Variants in DHX8 observed in about 807,000 individuals in gnomAD.
DHX8 encodes DEAH-box helicase 8.
A neutral mutation model predicts 140.7 loss-of-function variants in DHX8; 67 were observed. The ratio of observed to expected loss-of-function variants is 0.48; its 90% confidence interval spans 0.39 to 0.58. The LOEUF (loss-of-function observed/expected upper bound fraction) is 0.58, where lower values mean the gene tolerates loss of function less well. Ranked by LOEUF, DHX8 falls within the 20% of genes least tolerant of loss-of-function variation. The probability of loss-of-function intolerance (pLI) is 0.00; values close to 1 mark genes in which losing one functional copy is unlikely to be tolerated. For synonymous variants in DHX8, 533 were observed against 553.2 expected, an observed-to-expected ratio of 0.96 and a Z score of 0.51; for missense variants, 887 against 1,550.7, an observed-to-expected ratio of 0.57 and a Z score of 7.19.
At chr17:43,527,652 G>C (rs749332526), downstream of DHX8, among the ~76,000 whole-genome samples, 2 of 152,236 alleles carry the variant, frequency 1.3e-5, no homozygotes, top group Non-Finnish European at 1.5e-5. Context: ...ATGCTGGGAA[G>C]GGGGAAGGGC....
chr17:43,516,658 T>A (rs1970127168), intron 17 of DHX8, among the ~76,000 whole-genome samples: 1 of 152,062 alleles, frequency 6.6e-6, no homozygotes, highest in African/African-American at 2.4e-5. Context: ...CATATTGCCC[T>A]GGCTGATCTC....
intron 16 of DHX8, 88 bp downstream of exon 16, chr17:43,508,608 G>T: frequency 4.7e-5 from 35 of 747,086 alleles, no homozygotes; most frequent in Non-Finnish European, 7.4e-5. Flanking sequence ...TGCTTAGGGT[G>T]TATGCAAGTC....
chr17:43,506,644 A>G (rs935608165), intron 12 of DHX8, among the ~76,000 whole-genome samples: 3 of 149,600 alleles, frequency 2.0e-5, no homozygotes, highest in Non-Finnish European at 4.5e-5. Flanking sequence ...GCCTTTTTTT[A>G]TGGGCTGTAT....
downstream of DHX8, chr17:43,526,221 T>G: frequency 1.0e-6 from 1 of 985,366 alleles, no homozygotes. Context: ...GAACCAGTAT[T>G]TCCCAAGATT....
rs548633569 is a variant in DHX8, at chr17:43,524,661, G to A, written c.*814G>A. The A allele has an allele frequency of 3.0e-6, 3 of 985,376 alleles. No individual in the cohort carries two copies. The highest frequency in any genetic ancestry group is 9.4e-5 in the South Asian group (2 of 21,282). The allele number at this position is 985,376 out of a possible 1,614,324, so 61.0% of individuals were successfully genotyped here. ...CTTGCTCCCTCCACCTCCCACATTCGCAATGTGCAGCATGTCCCATTTCCT... is the reference window on the plus strand; with the variant it reads ...CTTGCTCCCTCCACCTCCCACATTCACAATGTGCAGCATGTCCCATTTCCT... On this transcript the variant is annotated 3_prime_UTR_variant, in exon 23 of 23. Transcript: ENST00000262415.
chr17:43,515,845 C>A (rs895661146), intron 17 of DHX8, among the ~76,000 whole-genome samples: 1 of 152,090 alleles, frequency 6.6e-6, no homozygotes, highest in Non-Finnish European at 1.5e-5. Context: ...ATAACCTATC[C>A]TTTGGTTTGG....
chr17:43,537,513 G>A (rs1971306683), intron 3 of DHX8, among the ~76,000 whole-genome samples: 2 of 151,862 alleles, frequency 1.3e-5, no homozygotes, highest in South Asian at 4.2e-4. Flanking sequence ...GGCCAACAAA[G>A]TGAAACTCCC....
chr17:43,520,412 C>A, intron 19 of DHX8, 145 bp downstream of exon 19: 1 of 1,079,050 alleles, frequency 9.3e-7, no homozygotes, highest in Non-Finnish European at 1.3e-6. Flanking sequence ...TGAATTTCTC[C>A]ACTGTCACTT....
At chr17:43,538,813 C>T (rs1171888186) in intron 3 of DHX8, among the ~76,000 whole-genome samples, 4 of 152,014 alleles carry the variant, frequency 2.6e-5, no homozygotes, top group Middle Eastern at 3.2e-3. Flanking sequence ...ACTCTCCTTC[C>T]CTGGAGACTG....
intron 6 of DHX8, 125 bp from the exon 7 acceptor site, chr17:43,493,320 C>G (rs1192495448): frequency 7.5e-7 from 1 of 1,334,900 alleles, no homozygotes; most frequent in African/African-American, 1.5e-5. Context: ...ATTGTTTGAC[C>G]ACCTTCATGG....
downstream of DHX8, chr17:43,529,822 A>G: frequency 3.1e-6 from 5 of 1,599,636 alleles, no homozygotes; most frequent in Non-Finnish European, 4.3e-6. Flanking sequence ...ACGTGATGTG[A>G]CTCCTGCAGG....
At chr17:43,493,984 G>T in intron 8 of DHX8, 98 bp downstream of exon 8, 1 of 1,251,794 alleles carries the variant, frequency 8.0e-7, no homozygotes, top group Non-Finnish European at 1.1e-6. Flanking sequence ...ATAACTTTTG[G>T]CCACTGTATT....
downstream of DHX8, chr17:43,526,368 C>G (rs1567702160): frequency 6.8e-7 from 1 of 1,477,868 alleles, no homozygotes. Flanking sequence ...GCTGAGTGTG[C>G]TGTTTGTGTA....
intron 3 of DHX8, among the ~76,000 whole-genome samples, chr17:43,543,513 ACT>A (rs1451484611): frequency 6.6e-6 from 1 of 151,868 alleles, no homozygotes; most frequent in African/African-American, 2.4e-5. Context: ...CACTGTGGGG[ACT>A]CTCAGCTGAC....
intron 1 of DHX8, among the ~76,000 whole-genome samples, chr17:43,488,654 T>A (rs1189486887): frequency 1.3e-5 from 2 of 150,578 alleles, no homozygotes; most frequent in African/African-American, 4.9e-5. Flanking sequence ...TGGAGAAAAA[T>A]TTGGCAAAAA....
At chr17:43,487,866 A>G (rs1893122365) in intron 1 of DHX8, among the ~76,000 whole-genome samples, 1 of 152,116 alleles carries the variant, frequency 6.6e-6, no homozygotes, top group Non-Finnish European at 1.5e-5. Context: ...AATCCCAGCT[A>G]CTTAGGAGGC....
At chr17:43,491,305 T>C in intron 4 of DHX8, 55 bp downstream of exon 4, 1 of 944,510 alleles carries the variant, frequency 1.1e-6, no homozygotes, top group South Asian at 2.4e-5. Context: ...CAACCCCTTT[T>C]CTTTGTCTCA....
intron 16 of DHX8, among the ~76,000 whole-genome samples, chr17:43,512,159 C>T (rs1456740209): frequency 6.6e-6 from 1 of 151,518 alleles, no homozygotes; most frequent in African/African-American, 2.4e-5. Context: ...GAGGCTGAAG[C>T]GGATGGATCA....
downstream of DHX8, chr17:43,525,994 A>G: frequency 1.0e-6 from 1 of 985,378 alleles, no homozygotes. Context: ...AAGGATCCCC[A>G]TTCTGTGGGT....
Sources: gnomAD v4.1 joint callset for allele counts (sites outside exome capture counted in the v4.1 genomes callset) on GRCh38, gnomAD v4.1.1 for gene constraint, MANE v1.5 for transcripts, NCBI Gene and HGNC (gene_info 2026-07-23, HGNC 2026-07-21) for gene names.